BCL2L14: variants seen among roughly 807,000 people sequenced by gnomAD.
The protein encoded by BCL2L14 is apoptosis facilitator Bcl-2-like protein 14.
Under a neutral mutation model 35.3 loss-of-function variants are expected in BCL2L14, and 27 were observed. That is an observed-to-expected ratio of 0.76 (90% confidence interval 0.56 to 1.05). BCL2L14 has a LOEUF of 1.05. Among genes scored for constraint, BCL2L14 ranks in the 50% least tolerant of loss-of-function variants. BCL2L14 has a pLI of 0.00. For missense variants in BCL2L14, 377 were observed against 382.6 expected, an observed-to-expected ratio of 0.99 and a Z score of 0.12; for synonymous variants, 139 against 145.9, an observed-to-expected ratio of 0.95 and a Z score of 0.34.
In BCL2L14 at chr12:12,079,377, C is replaced by A; in HGVS notation, c.72C>A (p.Phe24Leu). Residue 24 changes from phenylalanine to leucine, a missense_variant, in exon 2 of 6, where the codon TTC (phenylalanine) becomes TTA (leucine). Phe to Leu is a conservative substitution (Grantham distance 22). Coordinates refer to ENST00000308721, the MANE Select transcript of BCL2L14 (RefSeq NM_138723.2). ...LDDDDLNTIE[F>L]KILAYYTRHH... is the part of the protein sequence containing the mutation. ...ATGATGACCTAAACACCATAGAATTCAAAATCCTCGCCTACTACACCAGAC... is the reference window on the plus strand; with the variant it reads ...ATGATGACCTAAACACCATAGAATTAAAAATCCTCGCCTACTACACCAGAC... 1 of 1,614,180 alleles carries A rather than the reference C, an allele frequency of 6.2e-7. No individual in the cohort carries two copies. Among genetic ancestry groups the A allele is most frequent in the African/African-American group, 1.3e-5 (1 of 75,050 alleles).
chr12:12,076,364 G>A (rs923961770), intron 1 of BCL2L14, among the ~76,000 whole-genome samples: 4 of 152,168 alleles, frequency 2.6e-5, no homozygotes, highest in African/African-American at 7.2e-5. Flanking sequence ...AAGTGAATGT[G>A]AAATTGGAGC....
intron 2 of BCL2L14, among the ~76,000 whole-genome samples, chr12:12,059,988 C>A (rs1948496105): frequency 6.6e-6 from 1 of 152,062 alleles, no homozygotes; most frequent in Non-Finnish European, 1.5e-5. Flanking sequence ...AATCTTCCTT[C>A]TTTCCCTCCC....
intron 5 of BCL2L14, chr12:12,095,446 T>C (rs1949295322): frequency 4.1e-6 from 4 of 985,266 alleles, no homozygotes; most frequent in African/African-American, 1.7e-5. Flanking sequence ...TAAACTTTCA[T>C]CTATTTTCAA....
chr12:12,056,486 T>C (rs1948434420), intron 2 of BCL2L14, among the ~76,000 whole-genome samples: 1 of 152,216 alleles, frequency 6.6e-6, no homozygotes, highest in Non-Finnish European at 1.5e-5. Flanking sequence ...CTAAATACTG[T>C]GCTCTATTGT....
intron 2 of BCL2L14, among the ~76,000 whole-genome samples, chr12:12,061,262 T>A (rs557546265): frequency 1.1e-4 from 17 of 151,418 alleles, no homozygotes; most frequent in African/African-American, 2.9e-4. Flanking sequence ...CCCTTGTATC[T>A]CCCCACCTTA....
At chr12:12,050,611 G>T (rs894275690) in intron 1 of BCL2L14, among the ~76,000 whole-genome samples, 2 of 151,332 alleles carry the variant, frequency 1.3e-5, no homozygotes, top group Non-Finnish European at 1.5e-5. Context: ...AATTGAAAAG[G>T]AACAGTGCGA....
intron 2 of BCL2L14, chr12:12,055,620 A>G (rs1195663934): frequency 1.3e-5 from 2 of 152,008 alleles, no homozygotes; most frequent in African/African-American, 4.8e-5. Context: ...ACACCTGTGC[A>G]CTCTCCTCAT....
At chr12:12,061,290 A>G (rs1207189687) in intron 2 of BCL2L14, among the ~76,000 whole-genome samples, 3 of 151,480 alleles carry the variant, frequency 2.0e-5, no homozygotes, top group African/African-American at 7.3e-5. Context: ...AGTATAAGAT[A>G]CCTCTACTCC....
At chr12:12,070,422 C>A (rs186202965), upstream of BCL2L14, among the ~76,000 whole-genome samples, 1 of 152,210 alleles carries the variant, frequency 6.6e-6, no homozygotes, top group East Asian at 1.9e-4. Context: ...CAGTGGCTTA[C>A]GCCTGTAATC....
chr12:12,094,534 C>T, intron 4 of BCL2L14, 130 bp from the exon 5 acceptor site: 1 of 1,614,272 alleles, frequency 6.2e-7, no homozygotes, highest in Non-Finnish European at 8.5e-7. Context: ...TCCCCATTCC[C>T]TTGGTTGACA....
intron 4 of BCL2L14, chr12:12,094,393 A>G (rs1385964162): frequency 2.3e-5 from 21 of 918,598 alleles, no homozygotes; most frequent in Admixed American, 3.9e-5. Flanking sequence ...CCTGCCCATT[A>G]TAAGTGCTCA....
intron 2 of BCL2L14, among the ~76,000 whole-genome samples, chr12:12,060,103 G>C (rs34324716): frequency 0.27 from 41,178 of 150,040 alleles, 6,061 homozygotes; most frequent in East Asian, 0.48. Context: ...GAGCTAGGTC[G>C]CAATTCTTCC....
intron 2 of BCL2L14, among the ~76,000 whole-genome samples, chr12:12,059,221 C>T (rs1301657793): frequency 6.6e-6 from 1 of 151,840 alleles, no homozygotes; most frequent in Non-Finnish European, 1.5e-5. Context: ...CTTGGTCCTT[C>T]ACCCTTAGCG....
At chr12:12,050,432 C>CAAAAAAAAA (rs774928633) in intron 1 of BCL2L14, among the ~76,000 whole-genome samples, 4 of 70,110 alleles carry the variant, frequency 5.7e-5, no homozygotes, top group African/African-American at 1.7e-4. Flanking sequence ...GACACCATCT[C>CAAAAAAAAA]AAAAAAAAAA....
intron 3 of BCL2L14, among the ~76,000 whole-genome samples, chr12:12,090,410 A>G (rs772694723): frequency 2.0e-5 from 3 of 152,114 alleles, no homozygotes; most frequent in Non-Finnish European, 4.4e-5. Context: ...TGGGTGGACC[A>G]CCTGAGGTCA....
intron 2 of BCL2L14, among the ~76,000 whole-genome samples, chr12:12,082,796 C>T (rs1352363464): frequency 6.6e-6 from 1 of 152,206 alleles, no homozygotes; most frequent in African/African-American, 2.4e-5. Flanking sequence ...TCCCTTATCA[C>T]CTTTCTCCTC....
At chr12:12,056,820 G>C (rs1481129935) in intron 2 of BCL2L14, among the ~76,000 whole-genome samples, 1 of 150,418 alleles carries the variant, frequency 6.6e-6, no homozygotes, top group Non-Finnish European at 1.5e-5. Context: ...TGGACGACAA[G>C]AGCGAAACTC....
chr12:12,073,538 G>A (rs1313602647), intron 1 of BCL2L14, among the ~76,000 whole-genome samples: 2 of 151,966 alleles, frequency 1.3e-5, no homozygotes, highest in African/African-American at 4.8e-5. Flanking sequence ...CCTCTCTCCA[G>A]TGACAATACT....
intron 3 of BCL2L14, among the ~76,000 whole-genome samples, chr12:12,087,918 G>C (rs1320352814): frequency 6.6e-6 from 1 of 152,194 alleles, no homozygotes; most frequent in African/African-American, 2.4e-5. Context: ...ATCCCATCAG[G>C]CTGGTGGTAA....
Sources: gnomAD v4.1 joint callset for allele counts (sites outside exome capture counted in the v4.1 genomes callset) on GRCh38, gnomAD v4.1.1 for gene constraint, MANE v1.5 for transcripts, NCBI Gene and HGNC (gene_info 2026-07-23, HGNC 2026-07-21) for gene names.